DPYD: variants seen among roughly 807,000 people sequenced by gnomAD.
The protein encoded by DPYD is dihydropyrimidine dehydrogenase.
DPYD carries 109 observed loss-of-function variants against 116.2 expected under a neutral mutation model. The ratio of observed to expected loss-of-function variants is 0.94; its 90% CI spans 0.80 to 1.10. The LOEUF is 1.10. Among genes scored for constraint, DPYD ranks in the 50% least tolerant of loss-of-function variants. The pLI, the probability that DPYD is intolerant of heterozygous loss-of-function variation, is 0.00. For missense variants in DPYD, 1,302 were observed against 1,254.5 expected (o/e 1.04, Z -0.57); for synonymous variants, 440 against 432.0 (o/e 1.02, Z -0.23).
chr1:97,860,215 C>G (rs141427595), intron 2 of DPYD, among the ~76,000 whole-genome samples: 1 of 152,038 alleles, frequency 6.6e-6, no homozygotes, highest in South Asian at 2.1e-4. Context: ...TGGTGATGCA[C>G]TCCTATAGTC....
At chr1:97,673,512 G>A (rs971559643) in intron 8 of DPYD, among the ~76,000 whole-genome samples, 10 of 151,776 alleles carry the variant, frequency 6.6e-5, no homozygotes, top group African/African-American at 1.7e-4. Context: ...CTAAAAATAC[G>A]TATAAAGTTC....
chr1:97,663,101 C>A (rs577931307), intron 8 of DPYD, among the ~76,000 whole-genome samples: 1 of 152,118 alleles, frequency 6.6e-6, no homozygotes, highest in Non-Finnish European at 1.5e-5. Context: ...TAGCAAATAG[C>A]GAGGAGATAC....
chr1:97,152,033 T>C (rs944469070), intron 20 of DPYD, among the ~76,000 whole-genome samples: 2 of 152,188 alleles, frequency 1.3e-5, no homozygotes, highest in East Asian at 1.9e-4. Flanking sequence ...AAATTAACCT[T>C]TTCTAGGCTG....
chr1:97,576,657 A>G (rs1362842344), intron 10 of DPYD, among the ~76,000 whole-genome samples: 1 of 152,234 alleles, frequency 6.6e-6, no homozygotes, highest in Non-Finnish European at 1.5e-5. Flanking sequence ...AGGACCTTGT[A>G]TAACCATATA....
chr1:97,790,728 G>A (rs1300035300), intron 3 of DPYD, among the ~76,000 whole-genome samples: 3 of 151,940 alleles, frequency 2.0e-5, no homozygotes, highest in African/African-American at 7.2e-5. Flanking sequence ...AAAAGACTAG[G>A]CTCATGTTAG....
intron 2 of DPYD, among the ~76,000 whole-genome samples, chr1:97,845,124 C>T (rs1172401624): frequency 1.3e-5 from 2 of 152,160 alleles, no homozygotes; most frequent in Non-Finnish European, 2.9e-5. Flanking sequence ...GGCAGCAATA[C>T]GCAGACAGCC....
intron 14 of DPYD, among the ~76,000 whole-genome samples, chr1:97,403,091 C>A (rs542474673): frequency 1.3e-5 from 2 of 152,018 alleles, no homozygotes; most frequent in Non-Finnish European, 2.9e-5. Context: ...GGTTTGCTGT[C>A]AGTGCAATTA....
intron 2 of DPYD, among the ~76,000 whole-genome samples, chr1:97,878,721 A>G (rs1672038783): frequency 6.6e-6 from 1 of 151,982 alleles, no homozygotes; most frequent in South Asian, 2.1e-4. Context: ...AGCTAGACTG[A>G]TTCACCTAAA....
At chr1:97,608,511 G>A (rs1320311408) in intron 8 of DPYD, among the ~76,000 whole-genome samples, 2 of 151,636 alleles carry the variant, frequency 1.3e-5, no homozygotes, top group Non-Finnish European at 2.9e-5. Context: ...TATGGGTAAC[G>A]TAGCGACACC....
Position 97,700,716 on chromosome 1 carries a change from T to C in DPYD, c.484-1169A>G, listed in dbSNP as rs572269076. ...ATAAACCTAAAAAAATTGAAAGAGA[T>C]ACATACATAATCTCGTAAGTGTGGT... On this transcript the variant is annotated intron_variant, in intron 5 of 22. Coordinates refer to ENST00000370192, the MANE Select transcript of DPYD (RefSeq NM_000110.4). Among the ~76,000 whole-genome samples the C allele has an allele frequency of 7.9e-5, 12 of 152,176 alleles. 1 individual carries two copies. The South Asian group carries it at 2.5e-3, about 32-fold the overall frequency.
At chr1:97,556,716 T>C (rs1238594175) in intron 11 of DPYD, among the ~76,000 whole-genome samples, 8 of 149,760 alleles carry the variant, frequency 5.3e-5, no homozygotes, top group Non-Finnish European at 1.1e-4. Flanking sequence ...TAGTATTCCA[T>C]GGTGTATATG....
At chr1:97,881,392 G>C (rs1218297363) in intron 2 of DPYD, among the ~76,000 whole-genome samples, 1 of 151,962 alleles carries the variant, frequency 6.6e-6, no homozygotes, top group African/African-American at 2.4e-5. Context: ...ATAAGTCTCT[G>C]TTGTTTAAGC....
chr1:97,425,475 CTT>C (rs2101711497), intron 14 of DPYD, among the ~76,000 whole-genome samples: 1 of 152,114 alleles, frequency 6.6e-6, no homozygotes, highest in African/African-American at 2.4e-5. Flanking sequence ...AGAAGGGAAA[CTT>C]AGAGATTTCG....
chr1:97,809,216 A>G (rs1281793600), intron 3 of DPYD, among the ~76,000 whole-genome samples: 2 of 152,192 alleles, frequency 1.3e-5, no homozygotes, highest in African/African-American at 2.4e-5. Context: ...TACAAGAGTA[A>G]TCTTCAACCA....
chr1:97,681,422 T>C (rs756323941), intron 7 of DPYD, among the ~76,000 whole-genome samples: 13 of 152,130 alleles, frequency 8.5e-5, no homozygotes, highest in Admixed American at 2.0e-4. Context: ...TAGAGGGCAA[T>C]GTTTTGTCTT....
At chr1:97,824,468 T>C (rs1453379541) in intron 3 of DPYD, among the ~76,000 whole-genome samples, 1 of 152,190 alleles carries the variant, frequency 6.6e-6, no homozygotes, top group East Asian at 1.9e-4. Context: ...AGTATTTAAA[T>C]TTAAATTAAT....
intron 10 of DPYD, among the ~76,000 whole-genome samples, chr1:97,581,148 GCAA>G (rs370329631): frequency 6.0e-5 from 9 of 149,932 alleles, no homozygotes; most frequent in Non-Finnish European, 1.0e-4. Context: ...TATTAAAAAT[GCAA>G]CAACAACAAC....
chr1:97,875,209 T>C (rs1671848663), intron 2 of DPYD, among the ~76,000 whole-genome samples: 1 of 151,946 alleles, frequency 6.6e-6, no homozygotes, highest in African/African-American at 2.4e-5. Context: ...GTGATTATTT[T>C]TGCTACCAAC....
chr1:97,450,704 A>G (rs529837821), intron 13 of DPYD, among the ~76,000 whole-genome samples: 1 of 152,152 alleles, frequency 6.6e-6, no homozygotes, highest in East Asian at 1.9e-4. Context: ...TAATATTAGT[A>G]TTACTGGCTC....
Sources: allele counts gnomAD v4.1 joint callset (sites outside exome capture counted in the v4.1 genomes callset), GRCh38; gene constraint gnomAD v4.1.1; transcripts MANE v1.5; gene names NCBI Gene and HGNC (gene_info 2026-07-23, HGNC 2026-07-21).